The following RAB28 variants were observed in gnomAD, a reference collection of about 807,000 sequenced individuals.
The protein encoded by RAB28 is RAB28, member RAS oncogene family, also known as ras-related protein Rab-28.
In RAB28, 24 loss-of-function variants were observed where a neutral mutation model predicts 31.7. The ratio of observed to expected loss-of-function variants is 0.76; its 90% CI spans 0.55 to 1.06. The LOEUF is 1.06. RAB28 is among the 50% of genes least tolerant of loss of function. The pLI is 0.00. For synonymous variants in RAB28, 100 were observed against 90.4 expected (o/e 1.11, Z -0.60); for missense variants, 254 against 258.5 (o/e 0.98, Z 0.12).
At chr4:13,401,238 TCAAC>T (rs1408912102) in intron 4 of RAB28, among the ~76,000 whole-genome samples, 4 of 152,214 alleles carry the variant, frequency 2.6e-5, no homozygotes, top group Non-Finnish European at 5.9e-5. Flanking sequence ...AATTATGAAT[TCAAC>T]TTTTTTCATA....
intron 6 of RAB28, chr4:13,371,688 T>C (rs1728718660): frequency 6.6e-7 from 1 of 1,504,786 alleles, no homozygotes; most frequent in Admixed American, 2.3e-5. Flanking sequence ...TAGAAAAACA[T>C]AATTTCCATG....
chr4:13,422,508 T>C (rs1713221713), intron 4 of RAB28, among the ~76,000 whole-genome samples: 1 of 152,090 alleles, frequency 6.6e-6, no homozygotes, highest in African/African-American at 2.4e-5. Context: ...CAAATGTCCA[T>C]CAATGATAGA....
At chr4:13,407,960 A>C (rs1376788329) in intron 4 of RAB28, among the ~76,000 whole-genome samples, 1 of 152,196 alleles carries the variant, frequency 6.6e-6, no homozygotes, top group Admixed American at 6.5e-5. Flanking sequence ...GTCATCTGCA[A>C]ACAGAGACAA....
In RAB28 at chr4:13,371,082, G is replaced by A. The variant is rs1009327450; in HGVS notation, c.574-2432C>T. 28 of 984,510 alleles carry A rather than the reference G, an allele frequency of 2.8e-5. No homozygotes were observed. The African/African-American group carries it at 4.5e-4, about 16-fold the overall frequency. 61.0% of individuals were successfully genotyped at this position (984,510 alleles called of 1,614,324 possible). ...GAAAAGCATCTTAATATGAGCTGCT[G>A]TGTGTGACTACATTTATAAATAAAG... On this transcript the variant is annotated intron_variant, in intron 6 of 6. Coordinates refer to ENST00000330852, the MANE Select transcript of RAB28 (RefSeq NM_001017979.3).
chr4:13,419,906 C>T (rs1400442408), intron 4 of RAB28, among the ~76,000 whole-genome samples: 1 of 150,156 alleles, frequency 6.7e-6, no homozygotes, highest in Non-Finnish European at 1.5e-5. Context: ...AAGATCAGAG[C>T]AGAACTGAAG....
intron 4 of RAB28, among the ~76,000 whole-genome samples, chr4:13,395,826 T>A (rs1298196913): frequency 6.6e-6 from 1 of 152,070 alleles, no homozygotes; most frequent in African/African-American, 2.4e-5. Flanking sequence ...TGTAAGAGTA[T>A]CTATATTACA....
At chr4:13,409,851 C>A (rs190379160) in intron 4 of RAB28, among the ~76,000 whole-genome samples, 1 of 152,248 alleles carries the variant, frequency 6.6e-6, no homozygotes, top group African/African-American at 2.4e-5. Context: ...AGAAACAGGT[C>A]CCTGCCTGCT....
chr4:13,430,202 G>A (rs1157867679), intron 4 of RAB28, among the ~76,000 whole-genome samples: 1 of 152,028 alleles, frequency 6.6e-6, no homozygotes, highest in Non-Finnish European at 1.5e-5. Context: ...TGGATCAAAA[G>A]AGAACAAGGA....
chr4:13,437,802 A>G (rs1714206729), intron 4 of RAB28, among the ~76,000 whole-genome samples: 1 of 152,192 alleles, frequency 6.6e-6, no homozygotes, highest in African/African-American at 2.4e-5. Context: ...TTTCTCAAAG[A>G]ACTAGAAATA....
chr4:13,453,987 TA>T, intron 4 of RAB28, among the ~76,000 whole-genome samples: 1 of 152,304 alleles, frequency 6.6e-6, no homozygotes, highest in African/African-American at 2.4e-5. Context: ...AATAATCCTA[TA>T]TTTTTTGCCA....
At chr4:13,395,238 A>G (rs979318662) in intron 4 of RAB28, among the ~76,000 whole-genome samples, 1 of 152,194 alleles carries the variant, frequency 6.6e-6, no homozygotes, top group African/African-American at 2.4e-5. Flanking sequence ...AAACATTAAA[A>G]GTATTAATTA....
chr4:13,402,742 G>C (rs1009484634), intron 4 of RAB28, among the ~76,000 whole-genome samples: 5 of 151,936 alleles, frequency 3.3e-5, no homozygotes, highest in Non-Finnish European at 7.4e-5. Context: ...TTTTCTGTAA[G>C]GGGCCAGATA....
chr4:13,481,513 T>A (rs1268061930), intron 1 of RAB28, among the ~76,000 whole-genome samples: 1 of 152,120 alleles, frequency 6.6e-6, no homozygotes, highest in East Asian at 1.9e-4. Flanking sequence ...TTTATCTGAA[T>A]CTTTATATTT....
chr4:13,404,099 G>A (rs1711930736), intron 4 of RAB28, among the ~76,000 whole-genome samples: 1 of 151,892 alleles, frequency 6.6e-6, no homozygotes, highest in Non-Finnish European at 1.5e-5. Context: ...GATCTTCTTG[G>A]CCGGGCCAGT....
intron 4 of RAB28, among the ~76,000 whole-genome samples, 183 bp downstream of exon 4, chr4:13,460,516 A>G (rs1011386223): frequency 6.6e-6 from 1 of 152,112 alleles, no homozygotes; most frequent in Non-Finnish European, 1.5e-5. Flanking sequence ...GCGCCCTGCC[A>G]GATGTCATTC....
intron 2 of RAB28, among the ~76,000 whole-genome samples, chr4:13,477,885 C>G (rs1716435514): frequency 6.6e-6 from 1 of 151,430 alleles, no homozygotes; most frequent in Non-Finnish European, 1.5e-5. Context: ...ATCATATCAC[C>G]TGTATAAAAT....
chr4:13,405,597 A>G (rs1712032787), intron 4 of RAB28, among the ~76,000 whole-genome samples: 2 of 152,148 alleles, frequency 1.3e-5, no homozygotes, highest in South Asian at 4.1e-4. Context: ...CAGAAATACA[A>G]TCAGCATTTA....
chr4:13,474,419 A>T lies in RAB28; in HGVS notation c.173-13T>A. 3 of 1,462,368 alleles carry T rather than the reference A, an allele frequency of 2.1e-6. No individual in the cohort carries two copies. The highest frequency in any genetic ancestry group is 2.8e-6 in the Non-Finnish European group (3 of 1,062,062). The allele number at this position is 1,462,368 out of a possible 1,614,324, so 90.6% of individuals were successfully genotyped here. On this transcript the variant is annotated splice_polypyrimidine_tract_variant and intron_variant, in intron 2 of 6. Coordinates refer to ENST00000330852, the MANE Select transcript of RAB28 (RefSeq NM_001017979.3). ...ACATTCAAGTTTCCTAGAATATAAAAAATGAATATAAAAATAAGAATACCA... is the reference window on the plus strand; with the variant it reads ...ACATTCAAGTTTCCTAGAATATAAATAATGAATATAAAAATAAGAATACCA...
chr4:13,483,993 G>T, intron 1 of RAB28, 83 bp downstream of exon 1: 1 of 1,335,246 alleles, frequency 7.5e-7, no homozygotes, highest in Non-Finnish European at 1.0e-6. Flanking sequence ...GGGGTAACGA[G>T]GCGACGCCGG....
Sources: gnomAD v4.1 joint callset for allele counts (sites outside exome capture counted in the v4.1 genomes callset) on GRCh38, gnomAD v4.1.1 for gene constraint, MANE v1.5 for transcripts, NCBI Gene and HGNC (gene_info 2026-07-23, HGNC 2026-07-21) for gene names.